Variants in CSMD1 observed in about 807,000 individuals in gnomAD.
The protein encoded by CSMD1 is CUB and Sushi multiple domains 1.
CSMD1 carries 213 observed loss-of-function variants against 417.5 expected under a neutral mutation model. That is an observed-to-expected ratio of 0.51 (90% confidence interval 0.46 to 0.57). The LOEUF (loss-of-function observed/expected upper bound fraction) is 0.57. CSMD1 is among the 20% of genes least tolerant of loss of function. The probability of loss-of-function intolerance (pLI) is 0.00; values close to 1 mark genes in which losing one functional copy is unlikely to be tolerated. For missense variants in CSMD1, 6,923 were observed against 4,529.7 expected, an observed-to-expected ratio of 1.53 and a Z score of -15.17; for synonymous variants, 2,862 against 1,736.8, an observed-to-expected ratio of 1.65 and a Z score of -16.11.
intron 9 of CSMD1, among the ~76,000 whole-genome samples, chr8:3,581,105 G>A (rs1469372719): frequency 2.6e-5 from 4 of 152,180 alleles, no homozygotes; most frequent in Admixed American, 6.5e-5. Context: ...AGATCAAAGT[G>A]CATTAGCATT....
chr8:4,474,008 G>C (rs1008575979), intron 2 of CSMD1, among the ~76,000 whole-genome samples: 8 of 152,034 alleles, frequency 5.3e-5, no homozygotes, highest in Non-Finnish European at 1.0e-4. Context: ...ATTTCAGAAA[G>C]ACCCAATCCA....
At chr8:4,608,372 T>A (rs1289032230) in intron 2 of CSMD1, among the ~76,000 whole-genome samples, 1 of 151,996 alleles carries the variant, frequency 6.6e-6, no homozygotes, top group Non-Finnish European at 1.5e-5. Context: ...CGGAACATGG[T>A]GGAGTGGCAG....
intron 2 of CSMD1, among the ~76,000 whole-genome samples, chr8:4,550,055 C>T (rs1039639338): frequency 1.9e-4 from 29 of 151,964 alleles, no homozygotes; most frequent in African/African-American, 6.3e-4. Context: ...TTTTGTCATC[C>T]TCAGAATTGG....
chr8:3,190,043 T>C lies in CSMD1; in HGVS notation c.5267A>G (p.Glu1756Gly). ...TCGGACGATGGAGCCGGCAGAAAACTCAGAACCAATTCTCCTTCCGTATCT... is the reference window on the plus strand; with the variant it reads ...TCGGACGATGGAGCCGGCAGAAAACCCAGAACCAATTCTCCTTCCGTATCT... ...EPRYGRRIGS[E>G]FSAGSIVRFE... is the part of the protein sequence containing the mutation. The change falls in exon 34 of 70, where the codon GAG becomes GGG. Residue 1756 changes from glutamate (E) to glycine (G), a missense_variant. Coordinates refer to ENST00000635120, the MANE Select transcript of CSMD1 (RefSeq NM_033225.6). The C allele has an allele frequency of 1.9e-6, 3 of 1,595,738 alleles. No individual in the cohort carries two copies. The highest frequency in any genetic ancestry group is 1.7e-6 in the Non-Finnish European group (2 of 1,171,382).
chr8:4,236,026 G>GTTTT (rs147378202), intron 3 of CSMD1, among the ~76,000 whole-genome samples: 6 of 108,082 alleles, frequency 5.6e-5, no homozygotes, highest in African/African-American at 2.5e-4. Flanking sequence ...AATGGATATT[G>GTTTT]TTTTTTTTGT....
chr8:4,566,907 G>GGAATGAGAAAAAA (rs1490784448), intron 2 of CSMD1, among the ~76,000 whole-genome samples: 1 of 21,280 alleles, frequency 4.7e-5, no homozygotes. Flanking sequence ...ATGAGAAAAA[G>GGAATGAGAAAAAA]TCAATTCAGG....
intron 1 of CSMD1, among the ~76,000 whole-genome samples, chr8:4,874,421 G>T (rs1282665364): frequency 2.6e-5 from 3 of 117,556 alleles, no homozygotes; most frequent in Admixed American, 1.1e-4. Context: ...ACGGAGTCTT[G>T]CTCTGTCACC....
At chr8:3,866,793 G>C (rs1004751361) in intron 5 of CSMD1, among the ~76,000 whole-genome samples, 2 of 152,082 alleles carry the variant, frequency 1.3e-5, no homozygotes. Context: ...TTCAATAACG[G>C]CTCACAAATC....
intron 26 of CSMD1, among the ~76,000 whole-genome samples, chr8:3,249,128 CT>C (rs1800087458): frequency 6.6e-6 from 1 of 152,086 alleles, no homozygotes. Context: ...GAATTGGCCC[CT>C]AGCAGGTATT....
At chr8:3,399,066 T>C (rs1050738981) in intron 16 of CSMD1, among the ~76,000 whole-genome samples, 1 of 151,970 alleles carries the variant, frequency 6.6e-6, no homozygotes, top group Non-Finnish European at 1.5e-5. Context: ...CCCAGAGTGG[T>C]TTCCATGTGC....
intron 1 of CSMD1, among the ~76,000 whole-genome samples, chr8:4,810,790 C>T (rs1273542453): frequency 6.6e-6 from 1 of 152,056 alleles, no homozygotes; most frequent in African/African-American, 2.4e-5. Flanking sequence ...TCGCATATCA[C>T]CAATATAATA....
At chr8:4,330,477 C>G (rs540179470) in intron 3 of CSMD1, among the ~76,000 whole-genome samples, 1 of 151,860 alleles carries the variant, frequency 6.6e-6, no homozygotes, top group South Asian at 2.1e-4. Context: ...GTAAACCCAG[C>G]TACTTAGGAG....
At chr8:3,188,299 C>G (rs1796200547) in intron 35 of CSMD1, among the ~76,000 whole-genome samples, 1 of 110,472 alleles carries the variant, frequency 9.1e-6, no homozygotes, top group African/African-American at 3.1e-5. Flanking sequence ...TTTTTCTTTT[C>G]CTTTCTTTTT....
intron 3 of CSMD1, among the ~76,000 whole-genome samples, chr8:4,391,850 C>T (rs748740563): frequency 5.3e-5 from 8 of 152,150 alleles, no homozygotes; most frequent in African/African-American, 1.7e-4. Context: ...GAGTCAATAG[C>T]CTCTGTTCTC....
chr8:3,912,651 G>A (rs1808538816), intron 5 of CSMD1, among the ~76,000 whole-genome samples: 1 of 152,038 alleles, frequency 6.6e-6, no homozygotes, highest in Non-Finnish European at 1.5e-5. Flanking sequence ...GTCCTCAAGT[G>A]GAAAAAAGTG....
At chr8:4,105,225 C>T (rs1163945105) in intron 3 of CSMD1, among the ~76,000 whole-genome samples, 8 of 152,086 alleles carry the variant, frequency 5.3e-5, no homozygotes, top group Admixed American at 4.6e-4. Flanking sequence ...GCTCACATAA[C>T]GTCAAAGGAA....
At chr8:4,469,092 G>C (rs1182133639) in intron 2 of CSMD1, among the ~76,000 whole-genome samples, 3 of 152,184 alleles carry the variant, frequency 2.0e-5, no homozygotes, top group Non-Finnish European at 2.9e-5. Flanking sequence ...CAGAAGACCT[G>C]TTTGAAGAGT....
chr8:3,385,069 AATAT>A (rs1160799452), intron 18 of CSMD1, among the ~76,000 whole-genome samples: 5 of 116,104 alleles, frequency 4.3e-5, no homozygotes, highest in Non-Finnish European at 6.4e-5. Context: ...ATAATATATA[AATAT>A]ATATATAATT....
intron 3 of CSMD1, among the ~76,000 whole-genome samples, chr8:4,131,732 G>A (rs1283474109): frequency 7.3e-6 from 1 of 137,032 alleles, no homozygotes; most frequent in African/African-American, 2.6e-5. Context: ...TTGTTATCAA[G>A]ATTAAATTAG....
Sources: gnomAD v4.1 joint callset for allele counts (sites outside exome capture counted in the v4.1 genomes callset) on GRCh38, gnomAD v4.1.1 for gene constraint, MANE v1.5 for transcripts, NCBI Gene and HGNC (gene_info 2026-07-23, HGNC 2026-07-21) for gene names.